Variants in OR4D2 observed in about 807,000 individuals in gnomAD.
OR4D2 encodes the protein olfactory receptor family 4 subfamily D member 2.
OR4D2 carries 9 observed loss-of-function variants against 12.4 expected under a neutral mutation model. That is an observed-to-expected ratio of 0.73 (90% CI 0.44 to 1.27). OR4D2 has a LOEUF of 1.27. Among genes scored for constraint, OR4D2 ranks in the 50% most tolerant of loss-of-function variants. The pLI is 0.00. For missense variants in OR4D2, 373 were observed against 381.6 expected, an observed-to-expected ratio of 0.98 and a Z score of 0.19; for synonymous variants, 151 against 151.1, an observed-to-expected ratio of 1.00 and a Z score of 0.01.
In OR4D2 at chr17:58,170,635, G is replaced by C. The variant is rs1967954814; in HGVS notation, c.*56G>C. ...CTTTGTTTTCCCTTTGTGAAGTGGA[G>C]AGGGAGCTACTACCTTTGCTCTCTT... On this transcript the variant is annotated 3_prime_UTR_variant, in exon 2 of 2. Transcript: ENST00000545221. The C allele has an allele frequency of 2.2e-6, 3 of 1,358,200 alleles. No individual in the cohort carries two copies. 84.1% of individuals were successfully genotyped at this position (1,358,200 alleles called of 1,614,324 possible).
Position 58,170,033 on chromosome 17 carries a change from C to A in OR4D2, c.378C>A (p.Ile126=), listed in dbSNP as rs1967941567. The part of the protein sequence containing the change: ...SVMAFDRLIA[I]SRPLRYVTVM... ...TGGCCTTTGACCGCCTCATTGCCAT[C>A]TCCCGGCCCCTCCGCTATGTCACCG... The change falls in exon 2 of 2, where the codon ATC becomes ATA. Residue 126 remains isoleucine (I), a synonymous_variant. Transcript: ENST00000545221. 6.2e-7 allele frequency: 1 copy of A among 1,614,180 alleles called. No homozygotes were observed. Among genetic ancestry groups the A allele is most frequent in the Non-Finnish European group, 8.5e-7 (1 of 1,180,040 alleles).
intron 1 of OR4D2, 138 bp downstream of exon 1, chr17:58,167,191 A>G (rs1441400388): frequency 6.6e-6 from 1 of 152,278 alleles, no homozygotes; most frequent in Non-Finnish European, 1.5e-5. Context: ...TTACTAAGTT[A>G]TTGAATTTAC....
intron 1 of OR4D2, among the ~76,000 whole-genome samples, chr17:58,167,601 G>C (rs1967904440): frequency 6.6e-6 from 1 of 152,120 alleles, no homozygotes; most frequent in East Asian, 1.9e-4. Flanking sequence ...TATCCACAGA[G>C]CATTTTAGGT....
rs1967955259 is a variant in OR4D2, at chr17:58,170,658, C to T, written c.*79C>T. On this transcript the variant is annotated 3_prime_UTR_variant, in exon 2 of 2. Transcript: ENST00000545221. ...GAGAGGGAGCTACTACCTTTGCTCT[C>T]TTCATAGTGTGTTGAGGTTCATCAT... 3 of 1,110,986 alleles carry T rather than the reference C, an allele frequency of 2.7e-6. No individual in the cohort carries two copies. The highest frequency in any genetic ancestry group is 4.1e-6 in the Non-Finnish European group (3 of 725,660). The allele number at this position is 1,110,986 out of a possible 1,614,324, so 68.8% of individuals were successfully genotyped here.
Position 58,169,831 on chromosome 17 carries a change from T to C in OR4D2, c.176T>C (p.Met59Thr), listed in dbSNP as rs370731243. The C allele has an allele frequency of 1.9e-6, 3 of 1,614,048 alleles. No individual in the cohort carries two copies. In the African/African-American group the frequency reaches 4.0e-5, roughly 22 times the overall value. ...VTSDSQLHTP[M>T]YFLLRNLAVL... ...TCTGATTCCCAGCTCCACACACCCA[T>C]GTACTTTCTGCTCCGAAACCTGGCT... is the stretch of plus-strand genomic sequence containing the variant. The change falls in exon 2 of 2, where the codon ATG becomes ACG. Residue 59 changes from methionine (M) to threonine (T), a missense_variant. By Grantham distance (81) the Met-to-Thr change is moderately conservative. Transcript: ENST00000545221.
chr17:58,168,276 C>T (rs1391873730), intron 1 of OR4D2, among the ~76,000 whole-genome samples: 2 of 151,896 alleles, frequency 1.3e-5, no homozygotes, highest in East Asian at 1.9e-4. Flanking sequence ...GCATGACCTC[C>T]ACTCACTGCA....
chr17:58,168,716 T>G (rs775109060), intron 1 of OR4D2, among the ~76,000 whole-genome samples: 2 of 152,160 alleles, frequency 1.3e-5, no homozygotes, highest in African/African-American at 2.4e-5. Context: ...GCTCTCTGAG[T>G]CCCCTTCATA....
chr17:58,169,829 C>T lies in OR4D2; in HGVS notation c.174C>T (p.Pro58=). ...TVTSDSQLHT[P]MYFLLRNLAV... ...CCTCTGATTCCCAGCTCCACACACC[C>T]ATGTACTTTCTGCTCCGAAACCTGG... Residue 58 remains proline (P), a synonymous_variant, in exon 2 of 2, where the codon CCC becomes CCT. Coordinates refer to ENST00000545221, the MANE Select transcript of OR4D2 (RefSeq NM_001004707.4). 6.2e-7 allele frequency: 1 copy of T among 1,614,184 alleles called. No individual in the cohort carries two copies. The highest frequency in any genetic ancestry group is 8.5e-7 in the Non-Finnish European group (1 of 1,180,022).
Position 58,169,620 on chromosome 17 carries a change from G to A in OR4D2, c.-18-18G>A, listed in dbSNP as rs1967932580. 1.3e-6 allele frequency: 2 copies of A among 1,536,322 alleles called. No homozygotes were observed. The highest frequency in any genetic ancestry group is 1.8e-6 in the Non-Finnish European group (2 of 1,109,542). On this transcript the variant is annotated intron_variant, in intron 1 of 1. Transcript: ENST00000545221. The stretch of plus-strand genomic sequence containing the variant: ...GTAGTGACTTCATGTATCTGTGTCT[G>A]TGGTTCATTTTCTTCAGGTGTATGG...
intron 1 of OR4D2, 99 bp from the exon 2 acceptor site, chr17:58,169,539 G>T: frequency 1.3e-6 from 1 of 770,874 alleles, no homozygotes; most frequent in Non-Finnish European, 2.3e-6. Flanking sequence ...ACATAAGGAT[G>T]CTCATCATAT....
At chr17:58,168,509 C>T (rs1967918164) in intron 1 of OR4D2, among the ~76,000 whole-genome samples, 1 of 152,182 alleles carries the variant, frequency 6.6e-6, no homozygotes, top group Non-Finnish European at 1.5e-5. Context: ...CTCCCGGCTC[C>T]TCCATCTTCT....
In OR4D2 at chr17:58,170,877, T is replaced by A; in HGVS notation, c.*298T>A. Reference sequence around the variant, plus strand: ...AGTTTCCTGTTGACAGCATTTCCCCTGTGCGAACATTTCTATTTTCCGTAT... The same window carrying A: ...AGTTTCCTGTTGACAGCATTTCCCCAGTGCGAACATTTCTATTTTCCGTAT... On this transcript the variant is annotated 3_prime_UTR_variant, in exon 2 of 2. Coordinates refer to ENST00000545221, the MANE Select transcript of OR4D2 (RefSeq NM_001004707.4). The A allele has an allele frequency of 2.5e-6, 1 of 404,490 alleles. No homozygotes were observed. Among genetic ancestry groups the A allele is most frequent in the Non-Finnish European group, 4.6e-6 (1 of 218,788 alleles). 25.1% of individuals were successfully genotyped at this position (404,490 alleles called of 1,614,324 possible). A position where few individuals can be genotyped will look rare whatever the true frequency, so the allele number is the denominator to read the frequency against.
In OR4D2 at chr17:58,170,057, C is replaced by G. The variant is rs774079875; in HGVS notation, c.402C>G (p.Thr134=). 6.2e-7 allele frequency: 1 copy of G among 1,614,024 alleles called. No individual in the cohort carries two copies. The highest frequency in any genetic ancestry group is 8.5e-7 in the Non-Finnish European group (1 of 1,180,042). The change falls in exon 2 of 2, where the codon ACC becomes ACG. Residue 134 remains threonine, a synonymous_variant. Coordinates refer to ENST00000545221, the MANE Select transcript of OR4D2 (RefSeq NM_001004707.4). The part of the protein sequence containing the change: ...IAISRPLRYV[T]VMNTQLWVGL... ...TCTCCCGGCCCCTCCGCTATGTCAC[C>G]GTCATGAACACTCAGCTCTGGGTGG...
In OR4D2 at chr17:58,170,073, C is replaced by T; in HGVS notation, c.418C>T (p.Leu140Phe). The T allele has an allele frequency of 6.2e-7, 1 of 1,614,152 alleles. No homozygotes were observed. Among genetic ancestry groups the T allele is most frequent in the Non-Finnish European group, 8.5e-7 (1 of 1,180,040 alleles). ...CTATGTCACCGTCATGAACACTCAG[C>T]TCTGGGTGGGGCTGGTGGTAGCCAC... ...LRYVTVMNTQ[L>F]WVGLVVATWV... The change falls in exon 2 of 2, where the codon CTC becomes TTC. Residue 140 changes from leucine to phenylalanine, a missense_variant. Coordinates refer to ENST00000545221, the MANE Select transcript of OR4D2 (RefSeq NM_001004707.4).
In OR4D2 at chr17:58,170,326, T is replaced by C. The variant is rs770039382; in HGVS notation, c.671T>C (p.Met224Thr). 6.2e-7 allele frequency: 1 copy of C among 1,614,212 alleles called. No homozygotes were observed. Among genetic ancestry groups the C allele is most frequent in the East Asian group, 2.2e-5 (1 of 44,890 alleles). The stretch of plus-strand genomic sequence containing the variant: ...ATGTCCTACTTATTCATCCTGGTGA[T>C]GCTGAGGTCACATCCAGGGGAGGCA... The part of the protein sequence containing the change: ...LLMSYLFILV[M>T]LRSHPGEARR... Residue 224 changes from methionine to threonine, a missense_variant, in exon 2 of 2, where the codon ATG (methionine) becomes ACG (threonine). Transcript: ENST00000545221.
chr17:58,168,392 G>C (rs1273656326), intron 1 of OR4D2, among the ~76,000 whole-genome samples: 1 of 151,954 alleles, frequency 6.6e-6, no homozygotes, highest in African/African-American at 2.4e-5. Flanking sequence ...TTTTAGTACA[G>C]ATCCGGAGTT....
chr17:58,170,627 G>A lies in OR4D2; in HGVS notation c.*48G>A. 1 of 1,412,908 alleles carries A rather than the reference G, an allele frequency of 7.1e-7. No individual in the cohort carries two copies. The highest frequency in any genetic ancestry group is 1.0e-6 in the Non-Finnish European group (1 of 996,770). The allele number at this position is 1,412,908 out of a possible 1,614,324, so 87.5% of individuals were successfully genotyped here. Reference sequence around the variant, plus strand: ...CTCTTTGGCTTTGTTTTCCCTTTGTGAAGTGGAGAGGGAGCTACTACCTTT... The same window carrying A: ...CTCTTTGGCTTTGTTTTCCCTTTGTAAAGTGGAGAGGGAGCTACTACCTTT... On this transcript the variant is annotated 3_prime_UTR_variant, in exon 2 of 2. Transcript: ENST00000545221.
At position 58,167,053 on chromosome 17, in the gene OR4D2, G is replaced by C. The variant is rs893800400; in HGVS notation, c.-19G>C. On this transcript the variant is annotated splice_region_variant and 5_prime_UTR_variant, in exon 1 of 2. Transcript: ENST00000545221. ...GATGCTCACAGCAAAGGACATCAAC[G>C]GTGAGGAAAATCACAAGATTCTCGA... 6.6e-6 allele frequency: 1 copy of C among 152,194 alleles called. No individual in the cohort carries two copies. Among genetic ancestry groups the C allele is most frequent in the Non-Finnish European group, 1.5e-5 (1 of 68,036 alleles). The allele number at this position is 152,194 out of a possible 1,614,324, so 9.4% of individuals were successfully genotyped here. A position where few individuals can be genotyped will look rare whatever the true frequency, so the allele number is the denominator to read the frequency against.
chr17:58,169,893 A>G lies in OR4D2; in HGVS notation c.238A>G (p.Lys80Glu). The change falls in exon 2 of 2, where the codon AAA (lysine) becomes GAA (glutamate). Residue 80 changes from lysine (K) to glutamate (E), a missense_variant. Coordinates refer to ENST00000545221, the MANE Select transcript of OR4D2 (RefSeq NM_001004707.4). ...DLCFSSVTAP[K>E]MLVDLLSEKK... ...CTGTTTCTCTTCAGTCACTGCTCCC[A>G]AAATGCTAGTGGACCTCCTCTCTGA... The G allele has an allele frequency of 6.2e-7, 1 of 1,614,124 alleles. No homozygotes were observed.
Sources: gnomAD v4.1 joint callset for allele counts (sites outside exome capture counted in the v4.1 genomes callset) on GRCh38, gnomAD v4.1.1 for gene constraint, MANE v1.5 for transcripts, NCBI Gene and HGNC (gene_info 2026-07-23, HGNC 2026-07-21) for gene names.